ANKAR: variants seen among roughly 807,000 people sequenced by gnomAD.
ANKAR encodes the protein ankyrin and armadillo repeat containing.
ANKAR carries 136 observed loss-of-function variants against 146.2 expected under a neutral mutation model. That is an observed-to-expected ratio of 0.93 (90% CI 0.81 to 1.07). The LOEUF is 1.07. Ranked by LOEUF, ANKAR falls within the 50% of genes least tolerant of loss-of-function variation. ANKAR has a pLI of 0.00. For missense variants in ANKAR, 1,567 were observed against 1,679.9 expected (o/e 0.93, Z 1.18); for synonymous variants, 500 against 575.8 (o/e 0.87, Z 1.88).
intron 19 of ANKAR, among the ~76,000 whole-genome samples, chr2:189,740,343 C>A (rs1255216286): frequency 6.6e-6 from 1 of 152,094 alleles, no homozygotes; most frequent in Non-Finnish European, 1.5e-5. Flanking sequence ...ATGATACAAC[C>A]AATTTTCCCC....
At chr2:189,761,784 A>AT, downstream of ANKAR, 4 of 916,644 alleles carry the variant, frequency 4.4e-6, no homozygotes, top group South Asian at 9.1e-5. Flanking sequence ...TGTAAAGGCT[A>AT]TAGCAACATG....
At chr2:189,687,460 T>C (rs1188827981) in intron 2 of ANKAR, among the ~76,000 whole-genome samples, 1 of 152,196 alleles carries the variant, frequency 6.6e-6, no homozygotes, top group South Asian at 2.1e-4. Flanking sequence ...CGATTTCCTT[T>C]CTTTTGCATT....
chr2:189,762,072 C>T (rs1472791601), downstream of ANKAR, among the ~76,000 whole-genome samples: 1 of 152,192 alleles, frequency 6.6e-6, no homozygotes, highest in Non-Finnish European at 1.5e-5. Context: ...TGTATTCCAT[C>T]TCCTAAAAAC....
intron 8 of ANKAR, among the ~76,000 whole-genome samples, chr2:189,706,310 C>T (rs991883056): frequency 2.6e-5 from 4 of 151,862 alleles, no homozygotes; most frequent in South Asian, 2.1e-4. Context: ...TCACTTGAAC[C>T]GAGAGGCAGA....
chr2:189,718,210 T>C (rs963731202), intron 10 of ANKAR, among the ~76,000 whole-genome samples: 2 of 152,186 alleles, frequency 1.3e-5, no homozygotes, highest in African/African-American at 4.8e-5. Flanking sequence ...GCCAGCACTT[T>C]GGGAGGCCAA....
chr2:189,721,240 C>A (rs1284276564), intron 12 of ANKAR, among the ~76,000 whole-genome samples: 1 of 152,168 alleles, frequency 6.6e-6, no homozygotes, highest in Non-Finnish European at 1.5e-5. Flanking sequence ...CCCGACTCAG[C>A]CTCCCAAAGT....
intron 18 of ANKAR, chr2:189,754,081 CTAT>C (rs747531096): frequency 6.2e-7 from 1 of 1,611,858 alleles, no homozygotes; most frequent in Non-Finnish European, 8.5e-7. Flanking sequence ...AAATGAGCAG[CTAT>C]TTTTAGGCAC....
Position 189,687,450 on chromosome 2 carries a change from C to T in ANKAR, c.602-2077C>T, listed in dbSNP as rs558796993. ...GGAGTGCAGATACCCTTTGATATTC[C>T]GATTTCCTTTCTTTTGCATTTATAC... On this transcript the variant is annotated intron_variant, in intron 2 of 22. Transcript: ENST00000684021. Among the ~76,000 whole-genome samples the T allele has an allele frequency of 9.2e-5, 14 of 152,220 alleles. 1 individual carries two copies. The East Asian group carries it at 1.9e-3, about 21-fold the overall frequency.
chr2:189,686,344 A>G (rs979969068), intron 2 of ANKAR, among the ~76,000 whole-genome samples: 1 of 152,224 alleles, frequency 6.6e-6, no homozygotes, highest in Non-Finnish European at 1.5e-5. Flanking sequence ...AGTTTTCTCA[A>G]GCCTAAATTA....
intron 8 of ANKAR, 40 bp downstream of exon 8, chr2:189,705,264 C>T: frequency 6.6e-7 from 1 of 1,511,440 alleles, no homozygotes. Context: ...AGGTTGATGT[C>T]TAGGCAATAA....
At chr2:189,704,201 G>A (rs191696213) in intron 7 of ANKAR, among the ~76,000 whole-genome samples, 1 of 151,476 alleles carries the variant, frequency 6.6e-6, no homozygotes, top group Non-Finnish European at 1.5e-5. Context: ...GAGTGCAGTG[G>A]CATGATCTCT....
Position 189,696,258 on chromosome 2 carries a change from G to C in ANKAR, c.1597G>C (p.Gly533Arg). ...SSTINVSDEA[G>R]YTIFHHAALH... ...AACAATCAATGTTTCAGATGAAGCA[G>C]GTTATACTATTTTTCATCATGCTGC... is the stretch of plus-strand genomic sequence containing the variant. Residue 533 changes from glycine to arginine, a missense_variant, in exon 7 of 23, where the codon GGT becomes CGT. Physicochemically the swap from Gly to Arg is moderately radical, Grantham distance 125 (BLOSUM62 -2). Transcript: ENST00000684021. 6 of 1,614,056 alleles carry C rather than the reference G, an allele frequency of 3.7e-6. No homozygotes were observed. The highest frequency in any genetic ancestry group is 5.1e-6 in the Non-Finnish European group (6 of 1,179,998).
chr2:189,736,504 G>T (rs138088008), intron 17 of ANKAR, among the ~76,000 whole-genome samples: 112,651 of 121,188 alleles, frequency 0.93, 52,219 homozygotes, highest in South Asian at 0.99. Flanking sequence ...ACTGGGTTTT[G>T]TGTGTGTGTG....
intron 17 of ANKAR, 143 bp downstream of exon 17, chr2:189,733,372 AGTTTG>A: frequency 4.5e-6 from 3 of 672,132 alleles, no homozygotes; most frequent in Non-Finnish European, 6.8e-6. Flanking sequence ...GTAGGTCATT[AGTTTG>A]TAATGATGTA....
At chr2:189,740,691 C>T (rs1013035555) in intron 19 of ANKAR, among the ~76,000 whole-genome samples, 5 of 78,202 alleles carry the variant, frequency 6.4e-5, no homozygotes, top group African/African-American at 2.0e-4. Context: ...GCAAAAAGGA[C>T]ATATTAATTT....
intron 17 of ANKAR, 32 bp from the exon 18 acceptor site, chr2:189,737,651 T>A: frequency 6.4e-7 from 1 of 1,560,412 alleles, no homozygotes; most frequent in Non-Finnish European, 8.6e-7. Context: ...ATAAATGAAG[T>A]TCACCATAAT....
chr2:189,745,005 A>ACTC, intron 22 of ANKAR, among the ~76,000 whole-genome samples: 1 of 85,000 alleles, frequency 1.2e-5, no homozygotes. Flanking sequence ...TACTACTACT[A>ACTC]CTACTACTAC....
chr2:189,687,968 G>T (rs912453628), intron 2 of ANKAR, among the ~76,000 whole-genome samples: 2 of 152,122 alleles, frequency 1.3e-5, no homozygotes, highest in African/African-American at 4.8e-5. Flanking sequence ...AAGTTGATGT[G>T]ATCCCATTTG....
At chr2:189,760,072 G>A (rs1323217947) in intron 18 of ANKAR, among the ~76,000 whole-genome samples, 2 of 152,222 alleles carry the variant, frequency 1.3e-5, no homozygotes, top group Middle Eastern at 3.4e-3. Context: ...CACGGGGTTG[G>A]GGGTAAGGTT....
Sources: gnomAD v4.1 joint callset for allele counts (sites outside exome capture counted in the v4.1 genomes callset) on GRCh38, gnomAD v4.1.1 for gene constraint, MANE v1.5 for transcripts, NCBI Gene and HGNC (gene_info 2026-07-23, HGNC 2026-07-21) for gene names.